The following DOK6 variants were observed in gnomAD, a reference collection of about 807,000 sequenced individuals.
DOK6 encodes downstream of tyrosine kinase 6.
DOK6 carries 22 observed loss-of-function variants against 44.0 expected under a neutral mutation model. That is an observed-to-expected ratio of 0.50 (90% CI 0.36 to 0.71). The LOEUF is 0.71. Ranked by LOEUF, DOK6 falls within the 30% of genes least tolerant of loss-of-function variation. The pLI is 0.00. For missense variants in DOK6, 340 were observed against 416.4 expected, an observed-to-expected ratio of 0.82 and a Z score of 1.60; for synonymous variants, 166 against 145.5, an observed-to-expected ratio of 1.14 and a Z score of -1.01.
intron 1 of DOK6, among the ~76,000 whole-genome samples, chr18:69,480,760 G>A (rs903579842): frequency 1.3e-5 from 2 of 152,054 alleles, no homozygotes; most frequent in Admixed American, 6.6e-5. Flanking sequence ...ACAGTGTGAC[G>A]ATTTTAAAAT....
chr18:69,532,372 A>G (rs9952320), intron 1 of DOK6, among the ~76,000 whole-genome samples: 143,712 of 152,242 alleles, frequency 0.94, 68,435 homozygotes, highest in East Asian at 1. Flanking sequence ...TTCTGCATGC[A>G]ATAATATCTG....
intron 3 of DOK6, among the ~76,000 whole-genome samples, chr18:69,612,469 A>G (rs1453240876): frequency 0.028 from 1,202 of 43,106 alleles, 122 homozygotes; most frequent in East Asian, 0.065. Flanking sequence ...GTGCATATGT[A>G]TTTCTTGCTC....
Position 69,573,535 on chromosome 18 carries a change from A to T in DOK6, c.174+8941A>T, listed in dbSNP as rs963805357. Among the ~76,000 whole-genome samples the T allele has an allele frequency of 3.3e-5, 5 of 151,832 alleles. 1 individual carries two copies. The highest frequency in any genetic ancestry group is 9.6e-5 in the African/African-American group (4 of 41,490). On this transcript the variant is annotated intron_variant, in intron 2 of 7. Coordinates refer to ENST00000382713, the MANE Select transcript of DOK6 (RefSeq NM_152721.6). ...GTTTCCCTTTGGGAATTTTATTATT[A>T]TTTTTTTCTGTGATGGATGGTGAAC... is the stretch of plus-strand genomic sequence containing the variant.
chr18:69,832,653 C>CT lies in DOK6; in HGVS notation c.857-8588dup, dbSNP rs753430356. On this transcript the variant is annotated intron_variant, in intron 7 of 7. Transcript: ENST00000382713. Reference sequence around the variant, plus strand: ...TGATTCCACTAGGTCCTGGGCTTTTCTTTGGTGGAAGACTTTTATTACTCC... The same window carrying CT: ...TGATTCCACTAGGTCCTGGGCTTTTCTTTTGGTGGAAGACTTTTATTACTCC... 1.5e-4 allele frequency: 23 copies of CT among 151,906 alleles called. No homozygotes were observed. The East Asian group carries it at 3.7e-3, about 24-fold the overall frequency. The allele number at this position is 151,906 out of a possible 1,614,324, so 9.4% of individuals were successfully genotyped here. A position where few individuals can be genotyped will look rare whatever the true frequency, so the allele number is the denominator to read the frequency against.
At chr18:69,478,644 T>G (rs1385497283) in intron 1 of DOK6, among the ~76,000 whole-genome samples, 2 of 152,194 alleles carry the variant, frequency 1.3e-5, no homozygotes, top group Non-Finnish European at 2.9e-5. Context: ...TTTCATGATT[T>G]TTTATTGGAA....
chr18:69,599,370 T>C lies in DOK6; in HGVS notation c.175-14T>C. The C allele has an allele frequency of 6.3e-7, 1 of 1,594,072 alleles. No homozygotes were observed. The highest frequency in any genetic ancestry group is 8.6e-7 in the Non-Finnish European group (1 of 1,165,796). ...CATACTGTACACTAAGTTAAATATA[T>C]TTTTTCTTTCAAGGTAACTGAACTG... On this transcript the variant is annotated splice_polypyrimidine_tract_variant and intron_variant, in intron 2 of 7. Transcript: ENST00000382713.
chr18:69,591,692 C>T (rs1360305412), intron 2 of DOK6, among the ~76,000 whole-genome samples: 1 of 151,804 alleles, frequency 6.6e-6, no homozygotes, highest in Non-Finnish European at 1.5e-5. Context: ...AAGATCATTC[C>T]AAGATGATAC....
At chr18:69,536,231 C>T (rs930205547) in intron 1 of DOK6, among the ~76,000 whole-genome samples, 18 of 152,234 alleles carry the variant, frequency 1.2e-4, no homozygotes, top group South Asian at 8.3e-4. Flanking sequence ...CACTGATACA[C>T]GTATAATTAC....
At chr18:69,595,650 TAGG>T (rs1353042965) in intron 2 of DOK6, among the ~76,000 whole-genome samples, 8 of 152,200 alleles carry the variant, frequency 5.3e-5, no homozygotes, top group Non-Finnish European at 1.2e-4. Flanking sequence ...GTTTCTCTGA[TAGG>T]AGTTCTTTTC....
chr18:69,762,626 CA>C (rs1158375331), intron 7 of DOK6, among the ~76,000 whole-genome samples: 1 of 152,142 alleles, frequency 6.6e-6, no homozygotes, highest in African/African-American at 2.4e-5. Flanking sequence ...ATTCAGAAAA[CA>C]AAAGCAGAAA....
At chr18:69,552,157 G>T (rs1487980834) in intron 1 of DOK6, among the ~76,000 whole-genome samples, 1 of 152,158 alleles carries the variant, frequency 6.6e-6, no homozygotes, top group South Asian at 2.1e-4. Context: ...CACTTTAGAA[G>T]CTCATTGTCT....
intron 6 of DOK6, among the ~76,000 whole-genome samples, chr18:69,748,583 A>G (rs1979066078): frequency 1.3e-5 from 2 of 152,206 alleles, no homozygotes; most frequent in African/African-American, 2.4e-5. Context: ...AAACCACACA[A>G]CTACATGGAA....
In DOK6 at chr18:69,783,964, C is replaced by T. The variant is rs76193599; in HGVS notation, c.856+26091C>T. Reference sequence around the variant, plus strand: ...ATCCCAGCACTTTGGGAGGCAGAGGCGTGTTGATCACTTCAGCCCATGAGT... The same window carrying T: ...ATCCCAGCACTTTGGGAGGCAGAGGTGTGTTGATCACTTCAGCCCATGAGT... On this transcript the variant is annotated intron_variant, in intron 7 of 7. Transcript: ENST00000382713. Among the ~76,000 whole-genome samples, 1,205 of 152,220 alleles carry T rather than the reference C, an allele frequency of 7.9e-3. 33 individuals are homozygous for T. The highest frequency in any genetic ancestry group is 0.066 in the East Asian group (340 of 5,174).
intron 1 of DOK6, among the ~76,000 whole-genome samples, chr18:69,497,958 C>G (rs1980939437): frequency 6.6e-6 from 1 of 151,610 alleles, no homozygotes; most frequent in Admixed American, 6.6e-5. Flanking sequence ...CCACTGTACT[C>G]CAGCATGGGC....
intron 7 of DOK6, among the ~76,000 whole-genome samples, chr18:69,758,334 C>T (rs1979428420): frequency 1.3e-5 from 2 of 152,138 alleles, no homozygotes; most frequent in Admixed American, 1.3e-4. Context: ...TTAGTCAAAG[C>T]CTTAATACAG....
chr18:69,403,515 A>T (rs1916142625), intron 1 of DOK6, among the ~76,000 whole-genome samples: 1 of 152,202 alleles, frequency 6.6e-6, no homozygotes, highest in Non-Finnish European at 1.5e-5. Context: ...GAAAACAATA[A>T]AAGTGTGTTC....
intron 2 of DOK6, among the ~76,000 whole-genome samples, chr18:69,565,676 G>A (rs2144599018): frequency 6.6e-6 from 1 of 152,198 alleles, no homozygotes; most frequent in Non-Finnish European, 1.5e-5. Context: ...ACCCAGCCAA[G>A]TATTCCATAC....
chr18:69,674,406 T>C (rs1231872365), intron 3 of DOK6, among the ~76,000 whole-genome samples: 1 of 152,174 alleles, frequency 6.6e-6, no homozygotes, highest in Admixed American at 6.5e-5. Flanking sequence ...TTCTCACATT[T>C]TTCTACATGA....
intron 3 of DOK6, among the ~76,000 whole-genome samples, chr18:69,673,430 T>C (rs1985853104): frequency 6.6e-6 from 1 of 152,152 alleles, no homozygotes; most frequent in Non-Finnish European, 1.5e-5. Flanking sequence ...CAAATCAGAA[T>C]TAAAAATAGC....
Sources: allele counts gnomAD v4.1 joint callset (sites outside exome capture counted in the v4.1 genomes callset), GRCh38; gene constraint gnomAD v4.1.1; transcripts MANE v1.5; gene names NCBI Gene and HGNC (gene_info 2026-07-23, HGNC 2026-07-21).